Variants in PAFAH1B1 observed in about 807,000 individuals in gnomAD.
The protein encoded by PAFAH1B1 is platelet activating factor acetylhydrolase 1b regulatory subunit 1, also known as platelet-activating factor acetylhydrolase IB subunit beta.
Under a neutral mutation model 57.5 loss-of-function variants are expected in PAFAH1B1, and 2 were observed. The ratio of observed to expected loss-of-function variants is 0.03; its 90% confidence interval spans 0.01 to 0.11. PAFAH1B1 has a LOEUF of 0.11. Ranked by LOEUF, PAFAH1B1 falls within the 10% of genes least tolerant of loss-of-function variation. PAFAH1B1 has a pLI of 1.00. For missense variants in PAFAH1B1, 257 were observed against 512.0 expected, an observed-to-expected ratio of 0.50 and a Z score of 4.81; for synonymous variants, 152 against 169.6, an observed-to-expected ratio of 0.90 and a Z score of 0.81.
At chr17:2,676,429 T>C in intron 8 of PAFAH1B1, 76 bp from the exon 9 acceptor site, 1 of 904,568 alleles carries the variant, frequency 1.1e-6, no homozygotes, top group Non-Finnish European at 1.8e-6. Flanking sequence ...TATATATCAT[T>C]ATTAGATAGA....
At chr17:2,618,631 T>C (rs150232314) in intron 1 of PAFAH1B1, among the ~76,000 whole-genome samples, 1,722 of 151,936 alleles carry the variant, frequency 0.011, 31 homozygotes, top group African/African-American at 0.039. Flanking sequence ...AATGATGGAG[T>C]TTTATTTATT....
At chr17:2,679,486 ATGGATGGATGGATGAT>A (rs1196783120) in intron 9 of PAFAH1B1, among the ~76,000 whole-genome samples, 3 of 145,904 alleles carry the variant, frequency 2.1e-5, no homozygotes, top group South Asian at 4.5e-4. Flanking sequence ...GATTGGATGG[ATGGATGGATGGATGAT>A]TGGATGGATG....
chr17:2,628,274 AAT>A (rs1433630208), intron 1 of PAFAH1B1, among the ~76,000 whole-genome samples: 1 of 152,038 alleles, frequency 6.6e-6, no homozygotes, highest in African/African-American at 2.4e-5. Flanking sequence ...AGAGAGTTTT[AAT>A]TATAAAGGGA....
intron 5 of PAFAH1B1, 80 bp downstream of exon 5, chr17:2,667,278 G>C: frequency 9.6e-7 from 1 of 1,039,488 alleles, no homozygotes; most frequent in Non-Finnish European, 1.5e-6. Flanking sequence ...AGTTTGCAGT[G>C]AGCCGAGATT....
At chr17:2,660,004 G>A (rs922259793) in intron 2 of PAFAH1B1, among the ~76,000 whole-genome samples, 2 of 152,118 alleles carry the variant, frequency 1.3e-5, no homozygotes, top group Admixed American at 1.3e-4. Flanking sequence ...ATAGCCCGGG[G>A]TGGTGTGAGA....
Position 2,667,087 on chromosome 17 carries a change from C to T in PAFAH1B1, c.288C>T (p.Pro96=). The T allele has an allele frequency of 6.2e-7, 1 of 1,613,890 alleles. No individual in the cohort carries two copies. Among genetic ancestry groups the T allele is most frequent in the Non-Finnish European group, 8.5e-7 (1 of 1,179,818 alleles). The change falls in exon 5 of 11, where the codon CCC becomes CCT. Residue 96 remains proline, a synonymous_variant. Transcript: ENST00000397195. ...GQKRDPKEWI[P]RPPEKYALSG... Reference sequence around the variant, plus strand: ...AACGAGACCCAAAAGAATGGATTCCCCGTCCGCCAGAAAAATATGCATTGA... The same window carrying T: ...AACGAGACCCAAAAGAATGGATTCCTCGTCCGCCAGAAAAATATGCATTGA...
chr17:2,679,495 TGGATGATTGGATGGATGGA>T (rs1567562877), intron 9 of PAFAH1B1, among the ~76,000 whole-genome samples: 32 of 143,668 alleles, frequency 2.2e-4, no homozygotes, highest in Middle Eastern at 3.6e-3. Flanking sequence ...GATGGATGGA[TGGATGATTGGATGGATGGA>T]TGGATGGATG....
intron 2 of PAFAH1B1, among the ~76,000 whole-genome samples, chr17:2,657,669 C>T (rs578119733): frequency 3.9e-5 from 6 of 152,200 alleles, no homozygotes; most frequent in Admixed American, 2.6e-4. Context: ...TTTAAGTCCT[C>T]GCATCTCGCC....
intron 8 of PAFAH1B1, among the ~76,000 whole-genome samples, 181 bp downstream of exon 8, chr17:2,674,469 A>G (rs1710033556): frequency 6.6e-6 from 1 of 152,250 alleles, no homozygotes; most frequent in Non-Finnish European, 1.5e-5. Context: ...TTAACCAGTG[A>G]TGATTATTGC....
At chr17:2,654,049 C>T (rs2068903339) in intron 2 of PAFAH1B1, among the ~76,000 whole-genome samples, 1 of 152,064 alleles carries the variant, frequency 6.6e-6, no homozygotes, top group Non-Finnish European at 1.5e-5. Context: ...CCTGGTGATA[C>T]ACCCGCCTCG....
At chr17:2,656,889 C>A (rs953633732) in intron 2 of PAFAH1B1, among the ~76,000 whole-genome samples, 1 of 151,924 alleles carries the variant, frequency 6.6e-6, no homozygotes, top group Non-Finnish European at 1.5e-5. Context: ...CTGTTTCTAG[C>A]CATTTCTCTC....
At chr17:2,600,924 G>T (rs1295205452) in intron 1 of PAFAH1B1, among the ~76,000 whole-genome samples, 3 of 151,946 alleles carry the variant, frequency 2.0e-5, no homozygotes, top group African/African-American at 7.3e-5. Context: ...TAGAGATGGG[G>T]TTTCGCCATA....
At chr17:2,603,889 A>G (rs1355656651) in intron 1 of PAFAH1B1, among the ~76,000 whole-genome samples, 1 of 149,580 alleles carries the variant, frequency 6.7e-6, no homozygotes, top group South Asian at 2.1e-4. Context: ...AGGCATGCGC[A>G]ACCACGCGCG....
intron 1 of PAFAH1B1, among the ~76,000 whole-genome samples, chr17:2,634,319 T>C (rs1411848051): frequency 6.6e-6 from 1 of 152,144 alleles, no homozygotes; most frequent in Non-Finnish European, 1.5e-5. Context: ...GTATTTTTAG[T>C]AGAGACGGGG....
At chr17:2,612,162 G>A (rs2068274552) in intron 1 of PAFAH1B1, among the ~76,000 whole-genome samples, 1 of 149,502 alleles carries the variant, frequency 6.7e-6, no homozygotes, top group Non-Finnish European at 1.5e-5. Flanking sequence ...TTGATATTTT[G>A]TTAAAGCTTT....
intron 1 of PAFAH1B1, among the ~76,000 whole-genome samples, chr17:2,626,676 TC>T (rs1220899918): frequency 2.0e-5 from 3 of 147,878 alleles, no homozygotes; most frequent in African/African-American, 7.4e-5. Context: ...TGCCTCAGCC[TC>T]CCAAGTAGCT....
intron 2 of PAFAH1B1, among the ~76,000 whole-genome samples, chr17:2,652,414 C>CAA (rs1555525037): frequency 6.6e-6 from 1 of 152,232 alleles, no homozygotes; most frequent in African/African-American, 2.4e-5. Flanking sequence ...GACTCCGTCT[C>CAA]AAACAAAACA....
rs8075918 is a variant in PAFAH1B1, at chr17:2,668,052, C to T, written c.399+854C>T. Among the ~76,000 whole-genome samples the T allele has an allele frequency of 9.9e-3, 1,503 of 152,024 alleles. 65 individuals are homozygous for T. The highest frequency in any genetic ancestry group is 0.034 in the African/African-American group (1,421 of 41,316). On this transcript the variant is annotated intron_variant, in intron 5 of 10. Transcript: ENST00000397195. ...AAAAGTATAACCAATCGGCCGGGCA[C>T]GGTGGCTCACGCCTGTAATCCCAGC...
intron 2 of PAFAH1B1, among the ~76,000 whole-genome samples, chr17:2,649,618 T>TAGAAA (rs2068822026): frequency 6.6e-6 from 1 of 152,132 alleles, no homozygotes; most frequent in African/African-American, 2.4e-5. Flanking sequence ...GATAATATAG[T>TAGAAA]AGAAAAGATT....
Sources: gnomAD v4.1 joint callset for allele counts (sites outside exome capture counted in the v4.1 genomes callset) on GRCh38, gnomAD v4.1.1 for gene constraint, MANE v1.5 for transcripts, NCBI Gene and HGNC (gene_info 2026-07-23, HGNC 2026-07-21) for gene names.